Variants in ZNF274 observed in about 807,000 individuals in gnomAD.
The protein encoded by ZNF274 is zinc finger protein 274, also known as neurotrophin receptor-interacting factor homolog.
Under a neutral mutation model 42.5 loss-of-function variants are expected in ZNF274, and 23 were observed. The ratio of observed to expected loss-of-function variants is 0.54; its 90% CI spans 0.39 to 0.77. The LOEUF (loss-of-function observed/expected upper bound fraction) is 0.77. Ranked by LOEUF, ZNF274 falls within the 30% of genes least tolerant of loss-of-function variation. ZNF274 has a pLI of 0.00. For missense variants in ZNF274, 679 were observed against 806.5 expected (o/e 0.84, Z 1.91); for synonymous variants, 292 against 305.4 (o/e 0.96, Z 0.46).
chr19:58,188,620 A>ATATATAT (rs1555816812), intron 4 of ZNF274, among the ~76,000 whole-genome samples: 24 of 70,342 alleles, frequency 3.4e-4, no homozygotes, highest in East Asian at 6.2e-4. Flanking sequence ...AAAAAAAAAA[A>ATATATAT]ATATATATAT....
intron 4 of ZNF274, among the ~76,000 whole-genome samples, chr19:58,204,179 G>C (rs1027043395): frequency 6.6e-6 from 1 of 152,136 alleles, no homozygotes; most frequent in African/African-American, 2.4e-5. Context: ...CTTCAGGTGG[G>C]GCAGGCGTGG....
At chr19:58,194,682 G>GT (rs1232595701) in intron 4 of ZNF274, among the ~76,000 whole-genome samples, 2 of 151,388 alleles carry the variant, frequency 1.3e-5, no homozygotes, top group African/African-American at 2.4e-5. Context: ...CACCTGGTCT[G>GT]TTTTTTACTT....
chr19:58,197,956 T>A (rs2075863341), intron 4 of ZNF274, among the ~76,000 whole-genome samples: 1 of 152,218 alleles, frequency 6.6e-6, no homozygotes, highest in Non-Finnish European at 1.5e-5. Context: ...TCACTCTCCC[T>A]GTGTTCTAGG....
At chr19:58,201,508 G>C (rs370146857) in intron 4 of ZNF274, among the ~76,000 whole-genome samples, 1 of 134,644 alleles carries the variant, frequency 7.4e-6, no homozygotes, top group Non-Finnish European at 1.6e-5. Flanking sequence ...ATCCCAGCAT[G>C]AATTTCTTTT....
chr19:58,185,752 C>G lies in ZNF274; in HGVS notation c.74C>G (p.Pro25Arg). The change falls in exon 3 of 8, where the codon CCG (proline) becomes CGG (arginine). Residue 25 changes from proline to arginine, a missense_variant. Physicochemically the swap from Pro to Arg is moderately radical, Grantham distance 103. Around this residue, in one of 2 missense-constraint regions of ZNF274, gnomAD observed 223 missense variants for 216.4 expected, o/e 1.03. Coordinates refer to ENST00000617501, the MANE Select transcript of ZNF274 (RefSeq NM_133502.3). The stretch of plus-strand genomic sequence containing the variant: ...GAAGATGTAACACTGGGTTTTACCC[C>G]GGAAGAGTGGGGACTGCTGGACCTC... The part of the protein sequence containing the change: ...TFEDVTLGFT[P>R]EEWGLLDLKQ... 6.8e-7 allele frequency: 1 copy of G among 1,465,244 alleles called. No homozygotes were observed. Among genetic ancestry groups the G allele is most frequent in the Non-Finnish European group, 9.1e-7 (1 of 1,102,462 alleles). 90.8% of individuals were successfully genotyped at this position (1,465,244 alleles called of 1,614,324 possible).
Position 58,206,946 on chromosome 19 carries a change from C to G in ZNF274, c.483C>G (p.Arg161=), listed in dbSNP as rs1318256184. The stretch of plus-strand genomic sequence containing the variant: ...ATCCAGGTGACCCTGAGGCCGCGCG[C>G]CAGAGGTTCCGGCAGTTCCGTTATA... ...GKHPGDPEAA[R]QRFRQFRYKD... The change falls in exon 5 of 8, where the codon CGC becomes CGG. Residue 161 remains arginine (R), a synonymous_variant. Coordinates refer to ENST00000617501, the MANE Select transcript of ZNF274 (RefSeq NM_133502.3). 1 of 1,611,296 alleles carries G rather than the reference C, an allele frequency of 6.2e-7. No individual in the cohort carries two copies. Among genetic ancestry groups the G allele is most frequent in the Non-Finnish European group, 8.5e-7 (1 of 1,178,764 alleles).
chr19:58,199,938 C>T (rs921637903), intron 4 of ZNF274, among the ~76,000 whole-genome samples: 2 of 152,180 alleles, frequency 1.3e-5, no homozygotes, highest in Non-Finnish European at 2.9e-5. Flanking sequence ...ATGTCCTTTT[C>T]CTGAGTCCTG....
Position 58,186,946 on chromosome 19 carries a change from G to A in ZNF274, c.161-1G>A. ...AGCCCTGTCTCTTTTCCTTTGAGCA[G>A]AACATCAGCTTTCCAAACCAGATGT... is the stretch of plus-strand genomic sequence containing the variant. On this transcript the variant is annotated splice_acceptor_variant, in intron 3 of 7. Coordinates refer to ENST00000617501, the MANE Select transcript of ZNF274 (RefSeq NM_133502.3). LOFTEE classifies it high-confidence loss of function. The A allele has an allele frequency of 6.2e-7, 1 of 1,613,210 alleles. No individual in the cohort carries two copies. The highest frequency in any genetic ancestry group is 8.5e-7 in the Non-Finnish European group (1 of 1,179,542).
At chr19:58,206,449 G>A (rs1374838542) in intron 4 of ZNF274, among the ~76,000 whole-genome samples, 6 of 152,142 alleles carry the variant, frequency 3.9e-5, no homozygotes, top group Non-Finnish European at 8.8e-5. Flanking sequence ...GGGAATGTCT[G>A]GGTCATGGAT....
At chr19:58,199,013 CAAAAAATT>C (rs1452243733) in intron 4 of ZNF274, among the ~76,000 whole-genome samples, 1 of 151,678 alleles carries the variant, frequency 6.6e-6, no homozygotes, top group African/African-American at 2.4e-5. Flanking sequence ...CTGGTCTCTA[CAAAAAATT>C]TAAAAATTAG....
chr19:58,192,159 A>G (rs1001965470), intron 4 of ZNF274, among the ~76,000 whole-genome samples: 2 of 152,174 alleles, frequency 1.3e-5, no homozygotes, highest in Non-Finnish European at 1.5e-5. Flanking sequence ...ATTTGAGGTG[A>G]CTGTCAGATG....
In ZNF274 at chr19:58,206,806, ACACTGAAC is replaced by A; in HGVS notation, c.346_353del (p.Leu116GlyfsTer16). The A allele has an allele frequency of 6.2e-7, 1 of 1,613,938 alleles. No homozygotes were observed. On this transcript the variant is annotated frameshift_variant, in exon 5 of 8. Coordinates refer to ENST00000617501, the MANE Select transcript of ZNF274 (RefSeq NM_133502.3). LOFTEE classifies it high-confidence loss of function. ...GAACATTGAGGTTGTTGAGGTCCTC[ACACTGAAC>A]CAGGAGGTGGCTGGTCCCCGGAATG...
chr19:58,203,859 A>G (rs987807192), intron 4 of ZNF274, among the ~76,000 whole-genome samples: 1 of 152,218 alleles, frequency 6.6e-6, no homozygotes. Context: ...TCAAGCGTAG[A>G]CTGGTAATGG....
At chr19:58,199,024 A>C (rs1383208684) in intron 4 of ZNF274, among the ~76,000 whole-genome samples, 1 of 152,008 alleles carries the variant, frequency 6.6e-6, no homozygotes, top group African/African-American at 2.4e-5. Flanking sequence ...AAAAAATTTA[A>C]AAATTAGCCA....
At chr19:58,185,608 C>T in intron 2 of ZNF274, 104 bp from the exon 3 acceptor site, 1 of 1,286,788 alleles carries the variant, frequency 7.8e-7, no homozygotes, top group South Asian at 2.4e-5. Flanking sequence ...CTTGGGTCAT[C>T]TTGTAGACCA....
chr19:58,208,503 A>G lies in ZNF274; in HGVS notation c.739+1301A>G, dbSNP rs979787226. 5 of 152,276 alleles carry G rather than the reference A, an allele frequency of 3.3e-5. No individual in the cohort carries two copies. Among genetic ancestry groups the G allele is most frequent in the African/African-American group, 1.2e-4 (5 of 41,464 alleles). 9.4% of individuals were successfully genotyped at this position (152,276 alleles called of 1,614,324 possible). ...GAGATGCACTGGATTATTTGAGTGG[A>G]TCTAACATAACCACAGGGGCCCTTA... On this transcript the variant is annotated intron_variant, in intron 5 of 7. Transcript: ENST00000617501. This position sits in a 1 kb window ranked among gnomAD's most constrained non-coding sequence, Gnocchi z 4.5.
intron 4 of ZNF274, among the ~76,000 whole-genome samples, chr19:58,195,805 C>T (rs1373998723): frequency 2.6e-5 from 4 of 152,164 alleles, no homozygotes; most frequent in Non-Finnish European, 5.9e-5. Flanking sequence ...CAGCCTAGAT[C>T]CCTCATGCAC....
intron 4 of ZNF274, among the ~76,000 whole-genome samples, chr19:58,199,557 C>A (rs1490135873): frequency 6.6e-6 from 1 of 152,094 alleles, no homozygotes; most frequent in Admixed American, 6.5e-5. Context: ...TCTGTCTCTA[C>A]TAAAAATACA....
At chr19:58,197,230 T>A (rs2075854573) in intron 4 of ZNF274, among the ~76,000 whole-genome samples, 1 of 151,706 alleles carries the variant, frequency 6.6e-6, no homozygotes, top group Non-Finnish European at 1.5e-5. Flanking sequence ...TCAGTAGGAG[T>A]CCTCATTGTT....
Sources: allele counts gnomAD v4.1 joint callset (sites outside exome capture counted in the v4.1 genomes callset), GRCh38; gene constraint gnomAD v4.1.1; regional missense constraint gnomAD v4.1.1; non-coding constraint Gnocchi (gnomAD v3.1); transcripts MANE v1.5; gene names NCBI Gene and HGNC (gene_info 2026-07-23, HGNC 2026-07-21).